The following NXPH1 variants were observed in gnomAD, a reference collection of about 807,000 sequenced individuals.
NXPH1 encodes the protein neurexophilin-1.
A neutral mutation model predicts 23.7 loss-of-function variants in NXPH1; 5 were observed. The ratio of observed to expected loss-of-function variants is 0.21; its 90% CI spans 0.11 to 0.44. The LOEUF (loss-of-function observed/expected upper bound fraction) is 0.44, where lower values mean the gene tolerates loss of function less well. Ranked by LOEUF, NXPH1 falls within the 20% of genes least tolerant of loss-of-function variation. The probability of loss-of-function intolerance (pLI) is 0.99; values close to 1 mark genes in which losing one functional copy is unlikely to be tolerated. For missense variants in NXPH1, 324 were observed against 321.6 expected (o/e 1.01, Z -0.06); for synonymous variants, 144 against 122.2 (o/e 1.18, Z -1.18).
chr7:8,516,941 T>C (rs74448408), intron 2 of NXPH1, among the ~76,000 whole-genome samples: 10,936 of 152,170 alleles, frequency 0.072, 1,248 homozygotes, highest in African/African-American at 0.25. Flanking sequence ...TCTGTTTTTG[T>C]TTTGTCCTTT....
intron 2 of NXPH1, among the ~76,000 whole-genome samples, chr7:8,587,532 A>G (rs914219394): frequency 2.0e-5 from 3 of 152,154 alleles, no homozygotes; most frequent in African/African-American, 7.2e-5. Flanking sequence ...CATGTGCAGA[A>G]CGTACAGGTT....
At chr7:8,474,455 A>C (rs567821058) in intron 2 of NXPH1, among the ~76,000 whole-genome samples, 9 of 152,150 alleles carry the variant, frequency 5.9e-5, no homozygotes, top group African/African-American at 2.2e-4. Flanking sequence ...TAATAGACTC[A>C]TGCTACCATT....
At chr7:8,610,620 A>T (rs939172859) in intron 2 of NXPH1, among the ~76,000 whole-genome samples, 17 of 152,118 alleles carry the variant, frequency 1.1e-4, no homozygotes, top group African/African-American at 4.1e-4. Context: ...CCAGATGTAG[A>T]TCCCCAGATG....
chr7:8,549,756 C>T (rs1231075008), intron 2 of NXPH1, among the ~76,000 whole-genome samples: 1 of 151,532 alleles, frequency 6.6e-6, no homozygotes, highest in African/African-American at 2.4e-5. Context: ...CTTACTTAAT[C>T]TGTTTTTACA....
intron 2 of NXPH1, among the ~76,000 whole-genome samples, chr7:8,542,777 T>G (rs1042423025): frequency 6.6e-6 from 1 of 151,488 alleles, no homozygotes; most frequent in Admixed American, 6.6e-5. Flanking sequence ...AAAATTATTA[T>G]GTTAGATTAT....
intron 2 of NXPH1, among the ~76,000 whole-genome samples, chr7:8,518,445 CAGA>C (rs1318086819): frequency 2.0e-5 from 3 of 152,068 alleles, no homozygotes; most frequent in Admixed American, 2.0e-4. Context: ...ATGGCAAAAA[CAGA>C]AGAATATATA....
intron 2 of NXPH1, among the ~76,000 whole-genome samples, chr7:8,587,560 C>A (rs56933465): frequency 6.6e-6 from 1 of 152,016 alleles, no homozygotes; most frequent in Non-Finnish European, 1.5e-5. Flanking sequence ...TAGGCATACA[C>A]GTGTCATGGT....
chr7:8,484,084 C>G (rs1285566265), intron 2 of NXPH1, among the ~76,000 whole-genome samples: 1 of 151,048 alleles, frequency 6.6e-6, no homozygotes, highest in African/African-American at 2.4e-5. Flanking sequence ...CTGCATGCAA[C>G]AAACCAACAA....
At chr7:8,549,038 T>G (rs1167659495) in intron 2 of NXPH1, among the ~76,000 whole-genome samples, 1 of 151,494 alleles carries the variant, frequency 6.6e-6, no homozygotes, top group East Asian at 2.0e-4. Flanking sequence ...GTTTAATAAT[T>G]GAAAGATAAA....
At chr7:8,610,895 C>T (rs1583191103) in intron 2 of NXPH1, among the ~76,000 whole-genome samples, 1 of 151,866 alleles carries the variant, frequency 6.6e-6, no homozygotes, top group East Asian at 1.9e-4. Flanking sequence ...GTTTAAGAGG[C>T]TCAGGTGGGC....
chr7:8,527,296 A>G (rs1817878099), intron 2 of NXPH1, among the ~76,000 whole-genome samples: 1 of 152,174 alleles, frequency 6.6e-6, no homozygotes, highest in Non-Finnish European at 1.5e-5. Context: ...TCTTGGATGC[A>G]CTCCAGAGGA....
rs577139812 is a variant in NXPH1 at position 8,593,896 on chromosome 7, C to A, written c.55-157112C>A. On this transcript the variant is annotated intron_variant, in intron 2 of 2. Coordinates refer to ENST00000405863, the MANE Select transcript of NXPH1 (RefSeq NM_152745.3). ...GGTAAAAATATATTTAAAGCATACA[C>A]GATACGTTACATACAAAAATACATA... Among the ~76,000 whole-genome samples, 30 of 152,070 alleles carry A rather than the reference C, an allele frequency of 2.0e-4. No individual in the cohort carries two copies. The South Asian group carries it at 6.2e-3, about 32-fold the overall frequency.
chr7:8,502,095 A>G (rs1235038705), intron 2 of NXPH1, among the ~76,000 whole-genome samples: 6 of 152,152 alleles, frequency 3.9e-5, no homozygotes, highest in Admixed American at 3.9e-4. Context: ...TCTATCATTA[A>G]TTGGCTCTGT....
In NXPH1 at chr7:8,711,124, A is replaced by G. The variant is rs550754333; in HGVS notation, c.55-39884A>G. Among the ~76,000 whole-genome samples the G allele has an allele frequency of 2.6e-5, 4 of 152,338 alleles. No individual in the cohort carries two copies. In the East Asian group the frequency reaches 7.7e-4, roughly 29 times the overall value. ...GAGTATTCCTACTAAAAGGAAAACT[A>G]AAGGGTGAACCATTTCCAAGTAATG... On this transcript the variant is annotated intron_variant, in intron 2 of 2. Coordinates refer to ENST00000405863, the MANE Select transcript of NXPH1 (RefSeq NM_152745.3).
chr7:8,570,997 A>G (rs1818632723), intron 2 of NXPH1, among the ~76,000 whole-genome samples: 2 of 150,442 alleles, frequency 1.3e-5, no homozygotes, highest in African/African-American at 4.9e-5. Context: ...CAGTATATAT[A>G]TGTCTGTCTA....
At chr7:8,547,713 C>G (rs1170424046) in intron 2 of NXPH1, among the ~76,000 whole-genome samples, 1 of 151,412 alleles carries the variant, frequency 6.6e-6, no homozygotes. Context: ...CAAGTATACT[C>G]ATTGTTTAGT....
intron 2 of NXPH1, among the ~76,000 whole-genome samples, chr7:8,458,389 CTAATACAG>C (rs1484354942): frequency 2.0e-5 from 3 of 152,182 alleles, no homozygotes; most frequent in South Asian, 2.1e-4. Flanking sequence ...AGAAAACATT[CTAATACAG>C]ATTCCTAATA....
chr7:8,634,456 C>A (rs528153317), intron 2 of NXPH1, among the ~76,000 whole-genome samples: 2 of 152,118 alleles, frequency 1.3e-5, no homozygotes, highest in East Asian at 3.9e-4. Flanking sequence ...ATTACCTAGT[C>A]TTGGGTATTT....
chr7:8,692,435 G>A (rs994209109), intron 2 of NXPH1, among the ~76,000 whole-genome samples: 1 of 152,124 alleles, frequency 6.6e-6, no homozygotes, highest in African/African-American at 2.4e-5. Context: ...TTTGTTGGAT[G>A]TTTGACTTTA....
Sources: allele counts gnomAD v4.1 joint callset (sites outside exome capture counted in the v4.1 genomes callset), GRCh38; gene constraint gnomAD v4.1.1; transcripts MANE v1.5; gene names NCBI Gene and HGNC (gene_info 2026-07-23, HGNC 2026-07-21).